The following ADAMTS2 variants were observed in gnomAD, a reference collection of about 807,000 sequenced individuals.
ADAMTS2 encodes the protein A disintegrin and metalloproteinase with thrombospondin motifs 2.
In ADAMTS2, 50 loss-of-function variants were observed where a neutral mutation model predicts 123.0. The observed-to-expected ratio is 0.41, with a 90% CI of 0.32 to 0.51. The LOEUF (loss-of-function observed/expected upper bound fraction) is 0.51. Ranked by LOEUF, ADAMTS2 falls within the 20% of genes least tolerant of loss-of-function variation. The pLI, the probability that ADAMTS2 is intolerant of heterozygous loss-of-function variation, is 0.35. For synonymous variants in ADAMTS2, 678 were observed against 695.4 expected, an observed-to-expected ratio of 0.98 and a Z score of 0.39; for missense variants, 1,494 against 1,705.2, an observed-to-expected ratio of 0.88 and a Z score of 2.18.
intron 2 of ADAMTS2, among the ~76,000 whole-genome samples, chr5:179,302,522 G>GC: frequency 6.6e-6 from 1 of 151,962 alleles, no homozygotes; most frequent in African/African-American, 2.4e-5. Flanking sequence ...AGGACTTGTG[G>GC]CCCAGTGGGT....
At chr5:179,248,886 T>G (rs1765860005) in intron 3 of ADAMTS2, among the ~76,000 whole-genome samples, 1 of 152,116 alleles carries the variant, frequency 6.6e-6, no homozygotes, top group Non-Finnish European at 1.5e-5. Flanking sequence ...GTAAATCAAC[T>G]AGACCTGACA....
At chr5:179,250,794 G>A (rs891760921) in intron 3 of ADAMTS2, among the ~76,000 whole-genome samples, 2 of 152,190 alleles carry the variant, frequency 1.3e-5, no homozygotes, top group African/African-American at 4.8e-5. Flanking sequence ...TTCGAAACCT[G>A]GCTGATGGGA....
At chr5:179,205,308 C>T (rs1482233773) in intron 4 of ADAMTS2, among the ~76,000 whole-genome samples, 1 of 152,252 alleles carries the variant, frequency 6.6e-6, no homozygotes, top group East Asian at 1.9e-4. Flanking sequence ...TGTCACTAAA[C>T]AGTGCCACTG....
At position 179,256,541 on chromosome 5, in the gene ADAMTS2, A is replaced by G. The variant is rs1766056863; in HGVS notation, c.688+16370T>C. On this transcript the variant is annotated intron_variant, in intron 3 of 21. Transcript: ENST00000251582. The surrounding 1 kb of genome is among the most constrained non-coding windows in gnomAD (Gnocchi z 4.1). ...GCCTGCGTGTGTGTGAGAGAGAGAGAGGAGAGAGAGACGGAGAGAGTTTAT... is the reference window on the plus strand; with the variant it reads ...GCCTGCGTGTGTGTGAGAGAGAGAGGGGAGAGAGAGACGGAGAGAGTTTAT... Among the ~76,000 whole-genome samples the G allele has an allele frequency of 6.7e-6, 1 of 148,236 alleles. No individual in the cohort carries two copies. Among genetic ancestry groups the G allele is most frequent in the Non-Finnish European group, 1.5e-5 (1 of 65,866 alleles).
In ADAMTS2 at chr5:179,180,249, A is replaced by C. The variant is rs953456240; in HGVS notation, c.975+823T>G. 1.3e-5 allele frequency among the ~76,000 whole-genome samples: 2 copies of C among 152,086 alleles called. No homozygotes were observed. The highest frequency in any genetic ancestry group is 4.8e-5 in the African/African-American group (2 of 41,398). On this transcript the variant is annotated intron_variant, in intron 5 of 21. Transcript: ENST00000251582. The surrounding 1 kb of genome is among the most constrained non-coding windows in gnomAD (Gnocchi z 4.6). ...GCATCCCGTGTTGCCATCCCAGGTC[A>C]CTGTCCCTGGCGGCTACACACCCAT...
rs79218551 is a variant in ADAMTS2 at position 179,244,974 on chromosome 5, C to T, written c.688+27937G>A. On this transcript the variant is annotated intron_variant, in intron 3 of 21. Transcript: ENST00000251582. ...GCTGTGTGGTAGGCAGAACTGTGGC[C>T]CTCCAAAGATGTTCACATTCTAATC... Among the ~76,000 whole-genome samples the T allele has an allele frequency of 5.7e-3, 867 of 152,160 alleles. 11 individuals are homozygous for T. Among genetic ancestry groups the T allele is most frequent in the African/African-American group, 0.02 (830 of 41,506 alleles).
intron 4 of ADAMTS2, among the ~76,000 whole-genome samples, chr5:179,184,643 T>C (rs1764129282): frequency 6.6e-6 from 1 of 151,918 alleles, no homozygotes; most frequent in African/African-American, 2.4e-5. Context: ...AGGCTCTCAA[T>C]GGGACTTCTC....
intron 5 of ADAMTS2, among the ~76,000 whole-genome samples, chr5:179,161,752 A>G (rs1258785763): frequency 6.6e-6 from 1 of 151,902 alleles, no homozygotes; most frequent in Admixed American, 6.5e-5. Flanking sequence ...CCCTGATGTA[A>G]TCATTACACA....
intron 4 of ADAMTS2, among the ~76,000 whole-genome samples, chr5:179,195,870 G>A (rs974704834): frequency 1.3e-5 from 2 of 152,150 alleles, no homozygotes; most frequent in African/African-American, 4.8e-5. Context: ...CCTGAACCCC[G>A]CTTGCCTCCC....
At chr5:179,179,149 G>A (rs1376723907) in intron 5 of ADAMTS2, among the ~76,000 whole-genome samples, 2 of 151,798 alleles carry the variant, frequency 1.3e-5, no homozygotes, top group African/African-American at 4.8e-5. Context: ...GTTTCACCAC[G>A]TTAGCTAGGC....
At chr5:179,125,874 T>C in intron 18 of ADAMTS2, 124 bp downstream of exon 18, 1 of 1,396,378 alleles carries the variant, frequency 7.2e-7, no homozygotes, top group Non-Finnish European at 9.8e-7. Flanking sequence ...TGAAATGTGG[T>C]GAGAGAGACT....
chr5:179,292,115 C>T (rs1756205850), intron 2 of ADAMTS2, among the ~76,000 whole-genome samples: 1 of 151,852 alleles, frequency 6.6e-6, no homozygotes, highest in Admixed American at 6.6e-5. Context: ...GGGCAAGATC[C>T]ACATTGGTGG....
intron 5 of ADAMTS2, among the ~76,000 whole-genome samples, chr5:179,172,662 C>T (rs1708874958): frequency 6.6e-6 from 1 of 152,128 alleles, no homozygotes; most frequent in South Asian, 2.1e-4. Flanking sequence ...CTCATTACTC[C>T]TCCCCAGCCC....
At chr5:179,211,132 C>T (rs564415019) in intron 3 of ADAMTS2, among the ~76,000 whole-genome samples, 3 of 152,248 alleles carry the variant, frequency 2.0e-5, no homozygotes, top group Non-Finnish European at 4.4e-5. Flanking sequence ...CCCTCCAAGG[C>T]AGAAGAGGGC....
chr5:179,140,799 C>CTTTTTTTTTCTTTTTT (rs1763150351), intron 10 of ADAMTS2, among the ~76,000 whole-genome samples: 1 of 90,464 alleles, frequency 1.1e-5, no homozygotes, highest in Non-Finnish European at 2.1e-5. Flanking sequence ...ACTGCATGCT[C>CTTTTTTTTTCTTTTTT]TTTTTTTTTT....
intron 3 of ADAMTS2, among the ~76,000 whole-genome samples, chr5:179,261,272 G>A (rs1001529168): frequency 5.9e-5 from 9 of 152,122 alleles, no homozygotes; most frequent in East Asian, 3.9e-4. Context: ...CCAAAGAAGC[G>A]CAAATTAGCG....
At chr5:179,125,604 T>G (rs554581438) in intron 18 of ADAMTS2, among the ~76,000 whole-genome samples, 2 of 152,336 alleles carry the variant, frequency 1.3e-5, no homozygotes, top group Admixed American at 6.5e-5. Flanking sequence ...GGCCCCCACC[T>G]GCCCATTTCC....
chr5:179,246,473 G>A (rs902242083), intron 3 of ADAMTS2, among the ~76,000 whole-genome samples: 1 of 152,212 alleles, frequency 6.6e-6, no homozygotes, highest in Admixed American at 6.5e-5. Context: ...GCTTGGGGAG[G>A]AAGAGGGTAG....
chr5:179,242,010 T>C lies in ADAMTS2; in HGVS notation c.688+30901A>G, dbSNP rs910303866. Among the ~76,000 whole-genome samples the C allele has an allele frequency of 6.6e-6, 1 of 152,160 alleles. No individual in the cohort carries two copies. The highest frequency in any genetic ancestry group is 1.5e-5 in the Non-Finnish European group (1 of 68,028). On this transcript the variant is annotated intron_variant, in intron 3 of 21. Transcript: ENST00000251582. This position sits in a 1 kb window ranked among gnomAD's most constrained non-coding sequence, Gnocchi z 4.2. ...GGGGGGGCACATAGCCCACACCTGGTACTCAATGCCCTCAGCACAGTGATT... is the reference window on the plus strand; with the variant it reads ...GGGGGGGCACATAGCCCACACCTGGCACTCAATGCCCTCAGCACAGTGATT...
Sources: gnomAD v4.1 joint callset for allele counts (sites outside exome capture counted in the v4.1 genomes callset) on GRCh38, gnomAD v4.1.1 for gene constraint, Gnocchi (gnomAD v3.1) non-coding constraint, MANE v1.5 for transcripts, NCBI Gene and HGNC (gene_info 2026-07-23, HGNC 2026-07-21) for gene names.